The following FMN1 variants were observed in gnomAD, a reference collection of about 807,000 sequenced individuals.
FMN1 encodes the protein formin-1.
A neutral mutation model predicts 132.4 loss-of-function variants in FMN1; 110 were observed. The observed-to-expected ratio is 0.83, with a 90% CI of 0.71 to 0.97. FMN1 has a LOEUF of 0.97. Among genes scored for constraint, FMN1 ranks in the 50% least tolerant of loss-of-function variants. The probability of loss-of-function intolerance (pLI) is 0.00; values close to 1 mark genes in which losing one functional copy is unlikely to be tolerated. For missense variants in FMN1, 1,792 were observed against 1,705.3 expected (o/e 1.05, Z -0.90); for synonymous variants, 722 against 651.7 (o/e 1.11, Z -1.64).
chr15:32,774,079 C>G lies in FMN1; in HGVS notation c.*231G>C, dbSNP rs1487695341. On this transcript the variant is annotated 3_prime_UTR_variant, in exon 21 of 21. Transcript: ENST00000616417. ...TTGGGCTTCCACAAGAAACAGTCATCAAATATTTCTGCAATGTTCCCTTAA... is the reference window on the plus strand; with the variant it reads ...TTGGGCTTCCACAAGAAACAGTCATGAAATATTTCTGCAATGTTCCCTTAA... The G allele has an allele frequency of 5.8e-6, 3 of 519,912 alleles. No individual in the cohort carries two copies. Among genetic ancestry groups the G allele is most frequent in the Non-Finnish European group, 1.0e-5 (3 of 298,650 alleles). 32.2% of individuals were successfully genotyped at this position (519,912 alleles called of 1,614,324 possible).
intron 3 of FMN1, among the ~76,000 whole-genome samples, chr15:33,174,165 C>A (rs1225712436): frequency 1.3e-5 from 2 of 151,708 alleles, no homozygotes; most frequent in Non-Finnish European, 2.9e-5. Flanking sequence ...AGAAGAAGCT[C>A]AATGAAAAAT....
chr15:33,160,636 G>A (rs1964851379), intron 3 of FMN1, among the ~76,000 whole-genome samples: 1 of 152,202 alleles, frequency 6.6e-6, no homozygotes, highest in Admixed American at 6.5e-5. Context: ...TGAGTTCACA[G>A]GACTATTTCA....
chr15:33,074,704 G>T (rs1017124702), intron 5 of FMN1, among the ~76,000 whole-genome samples: 1 of 152,094 alleles, frequency 6.6e-6, no homozygotes, highest in Non-Finnish European at 1.5e-5. Context: ...AAGGAACACG[G>T]GCAGTGTGCA....
At chr15:33,040,896 G>C (rs2036403541) in intron 6 of FMN1, among the ~76,000 whole-genome samples, 1 of 152,162 alleles carries the variant, frequency 6.6e-6, no homozygotes, top group Non-Finnish European at 1.5e-5. Flanking sequence ...AACAAATCTA[G>C]TGCTCTACTA....
chr15:32,983,619 A>G (rs2032854508), intron 7 of FMN1, among the ~76,000 whole-genome samples: 1 of 152,228 alleles, frequency 6.6e-6, no homozygotes, highest in Admixed American at 6.5e-5. Context: ...AATGTTACAT[A>G]AAAGTTGGGC....
At position 32,964,105 on chromosome 15, in the gene FMN1, A is replaced by G. The variant is rs767258815; in HGVS notation, c.3138+2T>C. ...TACAGCTTTGCCATAATCACTCAGT[A>G]CCTTTTTGACCTTGTTTTTCTTCTC... On this transcript the variant is annotated splice_donor_variant, in intron 9 of 20. Coordinates refer to ENST00000616417, the MANE Select transcript of FMN1 (RefSeq NM_001277313.2). LOFTEE classifies it high-confidence loss of function. 6 of 1,607,650 alleles carry G rather than the reference A, an allele frequency of 3.7e-6. No individual in the cohort carries two copies. In the East Asian group the frequency reaches 1.3e-4, roughly 36 times the overall value.
chr15:33,172,097 A>T (rs963970843), intron 3 of FMN1, among the ~76,000 whole-genome samples: 1 of 151,480 alleles, frequency 6.6e-6, no homozygotes, highest in Admixed American at 6.6e-5. Context: ...GGTCCCAGCT[A>T]CTCCGGAGGC....
chr15:33,101,530 T>C (rs1164590485), intron 4 of FMN1, among the ~76,000 whole-genome samples: 1 of 152,156 alleles, frequency 6.6e-6, no homozygotes. Flanking sequence ...CATTCAAAGC[T>C]GCCCTGGGAT....
At chr15:32,961,893 C>T (rs1019815644) in intron 9 of FMN1, among the ~76,000 whole-genome samples, 3 of 152,132 alleles carry the variant, frequency 2.0e-5, no homozygotes, top group African/African-American at 7.2e-5. Context: ...TAAACTCATT[C>T]TCTTACAGAA....
intron 6 of FMN1, among the ~76,000 whole-genome samples, chr15:33,045,620 A>T (rs1193090260): frequency 2.0e-5 from 3 of 152,230 alleles, no homozygotes; most frequent in Admixed American, 1.3e-4. Flanking sequence ...GCCGTGACAG[A>T]AACTGGACTG....
intron 9 of FMN1, among the ~76,000 whole-genome samples, chr15:32,938,197 A>ATTTAT (rs759870786): frequency 1.4e-4 from 22 of 151,992 alleles, no homozygotes; most frequent in Admixed American, 3.3e-4. Context: ...ACATCACATC[A>ATTTAT]TTTAAGTATT....
chr15:32,957,420 T>TA lies in FMN1; in HGVS notation c.3138+6686dup, dbSNP rs1407278325. ...ACCTTGCTCAGGAACAAATGTCACT[T>TA]AGAGACAGTGTAAATATGACATATT... On this transcript the variant is annotated intron_variant, in intron 9 of 20. Transcript: ENST00000616417. 5.3e-5 allele frequency among the ~76,000 whole-genome samples: 8 copies of TA among 149,734 alleles called. No individual in the cohort carries two copies. The East Asian group carries it at 1.4e-3, about 27-fold the overall frequency.
intron 19 of FMN1, among the ~76,000 whole-genome samples, chr15:32,796,245 G>A (rs944800546): frequency 6.6e-6 from 1 of 152,182 alleles, no homozygotes; most frequent in Non-Finnish European, 1.5e-5. Context: ...ATTTCATTTG[G>A]AAGTAGAATT....
intron 12 of FMN1, among the ~76,000 whole-genome samples, chr15:32,905,846 G>A (rs1199498826): frequency 2.0e-5 from 3 of 152,090 alleles, no homozygotes; most frequent in Non-Finnish European, 2.9e-5. Context: ...ATGCTGGTTT[G>A]TGCAGGAGGT....
chr15:32,896,867 G>T (rs961914607), intron 15 of FMN1, among the ~76,000 whole-genome samples: 1 of 152,120 alleles, frequency 6.6e-6, no homozygotes, highest in African/African-American at 2.4e-5. Context: ...ATGTTTCAAT[G>T]AATATGAGAG....
At chr15:33,069,933 G>A (rs1211844751) in intron 5 of FMN1, among the ~76,000 whole-genome samples, 1 of 143,468 alleles carries the variant, frequency 7.0e-6, no homozygotes, top group Non-Finnish European at 1.5e-5. Flanking sequence ...TCAGACATCT[G>A]CTTCTTCAAG....
At chr15:33,159,932 C>T (rs987103170) in intron 3 of FMN1, among the ~76,000 whole-genome samples, 10 of 152,320 alleles carry the variant, frequency 6.6e-5, no homozygotes, top group Non-Finnish European at 1.3e-4. Context: ...TTTTCTCTCA[C>T]TCTGTTCTGC....
chr15:32,859,603 G>A (rs1567283411), intron 16 of FMN1, among the ~76,000 whole-genome samples: 3 of 152,072 alleles, frequency 2.0e-5, no homozygotes, highest in South Asian at 2.1e-4. Flanking sequence ...ATCTATCACC[G>A]TCTGCACAGT....
intron 4 of FMN1, among the ~76,000 whole-genome samples, chr15:33,140,824 G>T (rs1963980114): frequency 6.6e-6 from 1 of 152,068 alleles, no homozygotes; most frequent in Non-Finnish European, 1.5e-5. Flanking sequence ...AGAAAAGAAA[G>T]GTAGAATATA....
Sources: gnomAD v4.1 joint callset for allele counts (sites outside exome capture counted in the v4.1 genomes callset) on GRCh38, gnomAD v4.1.1 for gene constraint, MANE v1.5 for transcripts, NCBI Gene and HGNC (gene_info 2026-07-23, HGNC 2026-07-21) for gene names.